The following DOCK11 variants were observed in gnomAD, a reference collection of about 807,000 sequenced individuals.
The protein encoded by DOCK11 is dedicator of cytokinesis protein 11.
In DOCK11, 70 loss-of-function variants were observed where a neutral mutation model predicts 169.1. The ratio of observed to expected loss-of-function variants is 0.41; its 90% CI spans 0.34 to 0.51. The LOEUF (loss-of-function observed/expected upper bound fraction) is 0.51, where lower values mean the gene tolerates loss of function less well. Ranked by LOEUF, DOCK11 falls within the 20% of genes least tolerant of loss-of-function variation. DOCK11 has a pLI of 0.10. For missense variants in DOCK11, 1,166 were observed against 1,538.8 expected, an observed-to-expected ratio of 0.76 and a Z score of 4.05; for synonymous variants, 529 against 541.3, an observed-to-expected ratio of 0.98 and a Z score of 0.32.
Position 118,607,048 on chromosome X carries a change from C to T in DOCK11, c.2682-1024C>T, listed in dbSNP as rs1426439685. Among the ~76,000 whole-genome samples the T allele has an allele frequency of 6.5e-5, 7 of 107,185 alleles. No individual in the cohort carries two copies. The East Asian group carries it at 2.0e-3, about 31-fold the overall frequency. The allele number at this position is 107,185 out of a possible 115,157, so 93.1% of individuals were successfully genotyped here. A position where few individuals can be genotyped will look rare whatever the true frequency, so the allele number is the denominator to read the frequency against. On this transcript the variant is annotated intron_variant, in intron 24 of 52. Coordinates refer to ENST00000276202, the MANE Select transcript of DOCK11 (RefSeq NM_144658.4). ...TTCCTTTCCTTCTCCTTTCCTTTCC[C>T]TTTCCTTTCCTTTTCCTTTTCCTTT...
chrX:118,628,141 C>T, intron 33 of DOCK11, 22 bp from the exon 34 acceptor site: 1 of 1,094,397 alleles, frequency 9.1e-7, no homozygotes, highest in Non-Finnish European at 1.3e-6. Context: ...CCAACAAGGG[C>T]TTGACTTTTT....
At chrX:118,666,274 T>A (rs778399026) in intron 45 of DOCK11, among the ~76,000 whole-genome samples, 1 of 111,765 alleles carries the variant, frequency 8.9e-6, no homozygotes, top group East Asian at 2.8e-4. Context: ...AAAATAAAAA[T>A]GATATAATTA....
At chrX:118,582,681 G>A (rs1453455914) in intron 14 of DOCK11, among the ~76,000 whole-genome samples, 1 of 111,805 alleles carries the variant, frequency 8.9e-6, no homozygotes, top group Non-Finnish European at 1.9e-5. Flanking sequence ...ATGAATAAAA[G>A]CTCATCATCA....
At chrX:118,647,188 T>A (rs1254838620) in intron 40 of DOCK11, among the ~76,000 whole-genome samples, 1 of 95,234 alleles carries the variant, frequency 1.1e-5, no homozygotes. Context: ...TGTGTGTGTG[T>A]ATCTCCTATA....
intron 42 of DOCK11, among the ~76,000 whole-genome samples, chrX:118,652,826 A>T (rs1305202340): frequency 8.9e-6 from 1 of 112,678 alleles, no homozygotes; most frequent in Non-Finnish European, 1.9e-5. Flanking sequence ...GTCATCTTCC[A>T]GCACAGTTTG....
intron 36 of DOCK11, 48 bp from the exon 37 acceptor site, chrX:118,638,032 G>A: frequency 9.8e-7 from 1 of 1,023,902 alleles, no homozygotes; most frequent in Non-Finnish European, 1.4e-6. Flanking sequence ...TTGTTAATCT[G>A]TAGAGGATGT....
chrX:118,643,937 CATG>C (rs1435285834), intron 40 of DOCK11, among the ~76,000 whole-genome samples: 2 of 111,683 alleles, frequency 1.8e-5, no homozygotes, highest in African/African-American at 6.5e-5. Flanking sequence ...TGAGTGCACT[CATG>C]TCTAAACACT....
At chrX:118,593,086 C>G (rs757682601) in intron 19 of DOCK11, 128 bp from the exon 20 acceptor site, 1 of 625,541 alleles carries the variant, frequency 1.6e-6, no homozygotes, top group East Asian at 3.5e-5. Flanking sequence ...TAAATGATAC[C>G]TACTATTTGG....
intron 7 of DOCK11, among the ~76,000 whole-genome samples, chrX:118,562,037 G>A (rs937516369): frequency 1.9e-5 from 2 of 106,694 alleles, no homozygotes; most frequent in African/African-American, 3.4e-5. Context: ...GTGGTGGCAC[G>A]CACCTGTAAT....
chrX:118,654,240 T>C (rs936793407), intron 42 of DOCK11, among the ~76,000 whole-genome samples: 2 of 112,274 alleles, frequency 1.8e-5, no homozygotes, highest in African/African-American at 3.2e-5. Context: ...CCCAGACTAG[T>C]GCTTGGCACA....
chrX:118,590,323 C>G, intron 19 of DOCK11, 21 bp downstream of exon 19: 1 of 1,116,346 alleles, frequency 9.0e-7, no homozygotes, highest in East Asian at 3.0e-5. Flanking sequence ...ATTATCCTGA[C>G]ATTTCTAAAA....
At chrX:118,565,242 T>C (rs1024097035) in intron 7 of DOCK11, among the ~76,000 whole-genome samples, 2 of 111,674 alleles carry the variant, frequency 1.8e-5, no homozygotes, top group Non-Finnish European at 3.8e-5. Flanking sequence ...CCCCCATCTT[T>C]ACTTTTTTGT....
rs775524798 is a variant in DOCK11 at position 118,628,214 on chromosome X, G to C, written c.3716G>C (p.Gly1239Ala). Residue 1239 changes from glycine to alanine, a missense_variant, in exon 34 of 53, where the codon GGT (glycine) becomes GCT (alanine). Physicochemically the swap from Gly to Ala is moderately conservative, Grantham distance 60 (BLOSUM62 0). Transcript: ENST00000276202. ...GHGIKREDSR[G>A]SLIPEGATGF... ...GGAATTAAGAGAGAAGATTCAAGAG[G>C]TTCCCTCATCCCAGAAGGAGCAACA... 8.3e-7 allele frequency: 1 copy of C among 1,208,750 alleles called. No individual in the cohort carries two copies.
At position 118,607,920 on chromosome X, in the gene DOCK11, A is replaced by C. The variant is rs2014574657; in HGVS notation, c.2682-152A>C. 14 of 440,576 alleles carry C rather than the reference A, an allele frequency of 3.2e-5. No individual in the cohort carries two copies. The South Asian group carries it at 7.0e-4, about 22-fold the overall frequency. The allele number at this position is 440,576 out of a possible 1,213,427, so 36.3% of individuals were successfully genotyped here. The stretch of plus-strand genomic sequence containing the variant: ...AGATGCTGAAATCTTTGTTATGCCT[A>C]AACTATCACCATTATATCTAATGCA... On this transcript the variant is annotated intron_variant, in intron 24 of 52. Coordinates refer to ENST00000276202, the MANE Select transcript of DOCK11 (RefSeq NM_144658.4).
chrX:118,529,684 C>A (rs2011463220), intron 1 of DOCK11, among the ~76,000 whole-genome samples: 1 of 111,656 alleles, frequency 9.0e-6, no homozygotes, highest in Non-Finnish European at 1.9e-5. Flanking sequence ...CTGAAATGGG[C>A]TGGGATGGCG....
chrX:118,593,483 C>T (rs907253934), intron 20 of DOCK11, 146 bp downstream of exon 20: 10 of 525,263 alleles, frequency 1.9e-5, no homozygotes, highest in South Asian at 8.3e-5. Flanking sequence ...CTGATAAAGA[C>T]GTACCAGAGA....
intron 4 of DOCK11, among the ~76,000 whole-genome samples, chrX:118,544,310 T>A (rs1411006977): frequency 9.0e-6 from 1 of 111,603 alleles, no homozygotes; most frequent in African/African-American, 3.3e-5. Context: ...GGAGCCAGAC[T>A]GTTGGGGCTC....
chrX:118,514,939 T>A (rs1284489432), intron 1 of DOCK11, among the ~76,000 whole-genome samples: 2 of 112,151 alleles, frequency 1.8e-5, no homozygotes, highest in African/African-American at 6.5e-5. Flanking sequence ...AAAACAAGTT[T>A]GTTCTCTAAC....
At chrX:118,510,550 C>A (rs933846899) in intron 1 of DOCK11, among the ~76,000 whole-genome samples, 3 of 111,473 alleles carry the variant, frequency 2.7e-5, no homozygotes, top group Non-Finnish European at 5.6e-5. Flanking sequence ...ATAGAATTTT[C>A]CACCTTCAGT....
Sources: gnomAD v4.1 joint callset for allele counts (sites outside exome capture counted in the v4.1 genomes callset) on GRCh38, gnomAD v4.1.1 for gene constraint, MANE v1.5 for transcripts, NCBI Gene and HGNC (gene_info 2026-07-23, HGNC 2026-07-21) for gene names.